ARFIP2: variants seen among roughly 807,000 people sequenced by gnomAD.
ARFIP2 encodes ARF interacting protein 2.
ARFIP2 carries 14 observed loss-of-function variants against 39.2 expected under a neutral mutation model. That is an observed-to-expected ratio of 0.36 (90% confidence interval 0.24 to 0.56). ARFIP2 has a LOEUF of 0.56. Ranked by LOEUF, ARFIP2 falls within the 20% of genes least tolerant of loss-of-function variation. The pLI is 0.85. For synonymous variants in ARFIP2, 167 were observed against 172.4 expected (o/e 0.97, Z 0.24); for missense variants, 305 against 422.5 (o/e 0.72, Z 2.44).
chr11:6,478,521 G>C lies in ARFIP2; in HGVS notation c.537+217C>G. 7.1e-7 allele frequency: 1 copy of C among 1,400,058 alleles called. No individual in the cohort carries two copies. Among genetic ancestry groups the C allele is most frequent in the Non-Finnish European group, 9.4e-7 (1 of 1,067,688 alleles). 86.7% of individuals were successfully genotyped at this position (1,400,058 alleles called of 1,614,324 possible). ...CCCAGTGCAGAGAGGGGTTATTTGT[G>C]AGGCACCTAGTGTGCCCCCTCCCCC... On this transcript the variant is annotated intron_variant, in intron 5 of 7. Coordinates refer to ENST00000396777, the MANE Select transcript of ARFIP2 (RefSeq NM_001376558.2). This position sits in a 1 kb window ranked among gnomAD's most constrained non-coding sequence, Gnocchi z 4.8.
At position 6,476,713 on chromosome 11, in the gene ARFIP2, T is replaced by A. The variant is rs1297266957; in HGVS notation, c.*400A>T. The A allele has an allele frequency of 2.0e-5, 4 of 199,784 alleles. No individual in the cohort carries two copies. Among genetic ancestry groups the A allele is most frequent in the African/African-American group, 6.9e-5 (3 of 43,206 alleles). 12.4% of individuals were successfully genotyped at this position (199,784 alleles called of 1,614,324 possible). A position where few individuals can be genotyped will look rare whatever the true frequency, so the allele number is the denominator to read the frequency against. On this transcript the variant is annotated 3_prime_UTR_variant, in exon 8 of 8. Coordinates refer to ENST00000396777, the MANE Select transcript of ARFIP2 (RefSeq NM_001376558.2). ...ACGCATAGAGGAGAGACAAAGGGTA[T>A]TAGACGCAACATCATTGGCCCAGGG...
At chr11:6,479,836 G>A (rs954604264) in intron 3 of ARFIP2, 136 bp downstream of exon 3, 3 of 858,002 alleles carry the variant, frequency 3.5e-6, no homozygotes, top group African/African-American at 3.4e-5. Context: ...GCTGAGGAGA[G>A]TCCATGAGGT....
rs751852952 is a variant in ARFIP2, at chr11:6,478,011, C to A, written c.695+30G>T. ...ATTTCCACCCATACCAGCCAACTCCCCAAACCCTAAGCCCTGCCAGTGCCC... is the reference window on the plus strand; with the variant it reads ...ATTTCCACCCATACCAGCCAACTCCACAAACCCTAAGCCCTGCCAGTGCCC... On this transcript the variant is annotated intron_variant, in intron 6 of 7. Transcript: ENST00000396777. The surrounding 1 kb of genome is among the most constrained non-coding windows in gnomAD (Gnocchi z 4.8). 6.2e-7 allele frequency: 1 copy of A among 1,610,428 alleles called. No individual in the cohort carries two copies. Among genetic ancestry groups the A allele is most frequent in the Admixed American group, 1.7e-5 (1 of 59,820 alleles).
rs1213144834 is a variant in ARFIP2 at position 6,476,586 on chromosome 11, T to C, written c.*527A>G. On this transcript the variant is annotated 3_prime_UTR_variant, in exon 8 of 8. Coordinates refer to ENST00000396777, the MANE Select transcript of ARFIP2 (RefSeq NM_001376558.2). The stretch of plus-strand genomic sequence containing the variant: ...TCTTGGGCTCTAAGCACAATTAAAC[T>C]GGGTGGGTGGGTGAGGGTAGGCCTA... The C allele has an allele frequency of 6.6e-6, 1 of 150,972 alleles. No homozygotes were observed. The highest frequency in any genetic ancestry group is 1.5e-5 in the Non-Finnish European group (1 of 68,316). 9.4% of individuals were successfully genotyped at this position (150,972 alleles called of 1,614,324 possible).
At chr11:6,481,034 G>C (rs1851703738) in intron 1 of ARFIP2, 197 bp downstream of exon 1, 1 of 216,534 alleles carries the variant, frequency 4.6e-6, no homozygotes, top group Non-Finnish European at 9.4e-6. Flanking sequence ...CCAGTCTCTG[G>C]TAAAAGCCTC....
rs765229951 is a variant in ARFIP2 at position 6,481,306 on chromosome 11, C to T, written c.-118G>A. The T allele has an allele frequency of 4.0e-6, 3 of 741,108 alleles. No individual in the cohort carries two copies. Among genetic ancestry groups the T allele is most frequent in the South Asian group, 3.6e-5 (2 of 55,504 alleles). 45.9% of individuals were successfully genotyped at this position (741,108 alleles called of 1,614,324 possible). A position where few individuals can be genotyped will look rare whatever the true frequency, so the allele number is the denominator to read the frequency against. On this transcript the variant is annotated 5_prime_UTR_variant, in exon 1 of 8. Transcript: ENST00000396777. The stretch of plus-strand genomic sequence containing the variant: ...GGACCTCGGGCTCCAGTTCCCGTCG[C>T]GATCCTAGCAGCAGGTCAGGGACTC...
rs1851626154 is a variant in ARFIP2 at position 6,480,531 on chromosome 11, A to G, written c.-42-68T>C. Reference sequence around the variant, plus strand: ...CTAGAAGAAGGAGGCCTCCTCTGTCATTTCTTTAAAGGCTGTCCCAGGGTT... The same window carrying G: ...CTAGAAGAAGGAGGCCTCCTCTGTCGTTTCTTTAAAGGCTGTCCCAGGGTT... On this transcript the variant is annotated intron_variant, in intron 1 of 7. Transcript: ENST00000396777. The G allele has an allele frequency of 2.5e-5, 20 of 787,834 alleles. No individual in the cohort carries two copies. In the South Asian group the frequency reaches 3.8e-4, roughly 15 times the overall value. The allele number at this position is 787,834 out of a possible 1,614,324, so 48.8% of individuals were successfully genotyped here.
At position 6,476,809 on chromosome 11, in the gene ARFIP2, C is replaced by CAGG. The variant is rs1851116833; in HGVS notation, c.*303_*304insCCT. 3.1e-6 allele frequency: 1 copy of CAGG among 325,092 alleles called. No homozygotes were observed. Among genetic ancestry groups the CAGG allele is most frequent in the African/African-American group, 2.1e-5 (1 of 47,592 alleles). 20.1% of individuals were successfully genotyped at this position (325,092 alleles called of 1,614,324 possible). A position where few individuals can be genotyped will look rare whatever the true frequency, so the allele number is the denominator to read the frequency against. ...CTGTCATTGGTCAGGGAGCACACCC[C>CAGG]AGCCTGAAGAGTGATGCCATTGGCC... On this transcript the variant is annotated 3_prime_UTR_variant, in exon 8 of 8. Coordinates refer to ENST00000396777, the MANE Select transcript of ARFIP2 (RefSeq NM_001376558.2).
Position 6,477,061 on chromosome 11 carries a change from G to C in ARFIP2, c.*52C>G. On this transcript the variant is annotated 3_prime_UTR_variant, in exon 8 of 8. Transcript: ENST00000396777. The surrounding 1 kb of genome is among the most constrained non-coding windows in gnomAD (Gnocchi z 4.8). ...ACCATGTCCAATCTCCCACACCCTGGGGCTGCCCTTCCCAATGTCTTTCTT... is the reference window on the plus strand; with the variant it reads ...ACCATGTCCAATCTCCCACACCCTGCGGCTGCCCTTCCCAATGTCTTTCTT... The C allele has an allele frequency of 6.4e-7, 1 of 1,559,108 alleles. No homozygotes were observed. Among genetic ancestry groups the C allele is most frequent in the Non-Finnish European group, 8.7e-7 (1 of 1,146,934 alleles).
chr11:6,478,023 C>A lies in ARFIP2; in HGVS notation c.695+18G>T. The A allele has an allele frequency of 6.2e-7, 1 of 1,612,728 alleles. No homozygotes were observed. Among genetic ancestry groups the A allele is most frequent in the Non-Finnish European group, 8.5e-7 (1 of 1,178,940 alleles). On this transcript the variant is annotated intron_variant, in intron 6 of 7. Transcript: ENST00000396777. The surrounding 1 kb of genome is among the most constrained non-coding windows in gnomAD (Gnocchi z 4.8). Reference sequence around the variant, plus strand: ...ACCAGCCAACTCCCCAAACCCTAAGCCCTGCCAGTGCCCACACCTGGCAGC... The same window carrying A: ...ACCAGCCAACTCCCCAAACCCTAAGACCTGCCAGTGCCCACACCTGGCAGC...
intron 2 of ARFIP2, 71 bp from the exon 3 acceptor site, chr11:6,480,139 G>T: frequency 7.0e-7 from 1 of 1,430,374 alleles, no homozygotes; most frequent in Non-Finnish European, 9.8e-7. Flanking sequence ...GTGGGAACAA[G>T]TTTGGATTCA....
rs770319270 is a variant in ARFIP2 at position 6,479,960 on chromosome 11, G to T, written c.196+12C>A. On this transcript the variant is annotated intron_variant, in intron 3 of 7. Coordinates refer to ENST00000396777, the MANE Select transcript of ARFIP2 (RefSeq NM_001376558.2). ...TCCTCCACCCAAGATTCCTGTTTCT[G>T]AACATTCATACCTGTGGGGATGAGT... The T allele has an allele frequency of 1.2e-6, 2 of 1,612,950 alleles. No homozygotes were observed. The highest frequency in any genetic ancestry group is 1.1e-5 in the South Asian group (1 of 91,042).
chr11:6,477,676 A>C lies in ARFIP2; in HGVS notation c.870+42T>G. 1 of 1,601,212 alleles carries C rather than the reference A, an allele frequency of 6.2e-7. No individual in the cohort carries two copies. The highest frequency in any genetic ancestry group is 8.5e-7 in the Non-Finnish European group (1 of 1,171,984). On this transcript the variant is annotated intron_variant, in intron 7 of 7. Transcript: ENST00000396777. This position sits in a 1 kb window ranked among gnomAD's most constrained non-coding sequence, Gnocchi z 4.8. The stretch of plus-strand genomic sequence containing the variant: ...GGTCTGAGGGGAAGGTTAGTGTTAC[A>C]GATGGAAAGGTGGGCTAGGGTCAAG...
chr11:6,478,776 C>T lies in ARFIP2; in HGVS notation c.499G>A (p.Ala167Thr), dbSNP rs1851387399. ...GACTTCTGGCTGAGGTCAGCAAAGG[C>T]ATCACCCAGTGCATGCTGGGTCTGC... Reference protein sequence around the residue: ...LLQTQHALGDAFADLSQKSPE... With the variant: ...LLQTQHALGDTFADLSQKSPE... Residue 167 changes from alanine (A) to threonine (T), a missense_variant, in exon 5 of 8, where the codon GCC becomes ACC. Physicochemically the swap from Ala to Thr is moderately conservative, Grantham distance 58. This residue lies in a region of ARFIP2 where 42 missense variants were observed against 101.2 expected (regional missense o/e 0.42). Coordinates refer to ENST00000396777, the MANE Select transcript of ARFIP2 (RefSeq NM_001376558.2). This position sits in a 1 kb window ranked among gnomAD's most constrained non-coding sequence, Gnocchi z 4.8. 6.2e-7 allele frequency: 1 copy of T among 1,613,782 alleles called. No homozygotes were observed. Among genetic ancestry groups the T allele is most frequent in the Non-Finnish European group, 8.5e-7 (1 of 1,179,806 alleles).
Position 6,480,376 on chromosome 11 carries a change from T to C in ARFIP2, c.46A>G (p.Ile16Val), listed in dbSNP as rs1192900646. Reference protein sequence around the residue: ...LGKAATMEIPIHGNGEARQLP... With the variant: ...LGKAATMEIPVHGNGEARQLP... ...TGCCTGGCTTCGCCGTTCCCGTGGATAGGGATCTCCATTGTGGCTGCCTTC... is the reference window on the plus strand; with the variant it reads ...TGCCTGGCTTCGCCGTTCCCGTGGACAGGGATCTCCATTGTGGCTGCCTTC... Residue 16 changes from isoleucine to valine, a missense_variant, in exon 2 of 8, where the codon ATC (isoleucine) becomes GTC (valine). Physicochemically the swap from Ile to Val is conservative, Grantham distance 29 (BLOSUM62 3). Coordinates refer to ENST00000396777, the MANE Select transcript of ARFIP2 (RefSeq NM_001376558.2). The C allele has an allele frequency of 6.2e-7, 1 of 1,613,804 alleles. No individual in the cohort carries two copies. The highest frequency in any genetic ancestry group is 1.7e-5 in the Admixed American group (1 of 59,986).
chr11:6,478,021 A>G lies in ARFIP2; in HGVS notation c.695+20T>C, dbSNP rs1438822720. The stretch of plus-strand genomic sequence containing the variant: ...ATACCAGCCAACTCCCCAAACCCTA[A>G]GCCCTGCCAGTGCCCACACCTGGCA... On this transcript the variant is annotated intron_variant, in intron 6 of 7. Transcript: ENST00000396777. This position sits in a 1 kb window ranked among gnomAD's most constrained non-coding sequence, Gnocchi z 4.8. The G allele has an allele frequency of 1.9e-6, 3 of 1,612,462 alleles. No homozygotes were observed. The South Asian group carries it at 3.3e-5, about 18-fold the overall frequency.
In ARFIP2 at chr11:6,477,623, CTGCATT is replaced by C. The variant is rs1355364507; in HGVS notation, c.870+89_870+94del. ...GTGAACACTCTACTCCCCAGCTAGGCTGCATTTCCTCATTCAATAATGGGGAGGGTC... is the reference window on the plus strand; with the variant it reads ...GTGAACACTCTACTCCCCAGCTAGGCTCCTCATTCAATAATGGGGAGGGTC... On this transcript the variant is annotated intron_variant, in intron 7 of 7. Transcript: ENST00000396777. This position sits in a 1 kb window ranked among gnomAD's most constrained non-coding sequence, Gnocchi z 4.8. The C allele has an allele frequency of 7.1e-7, 1 of 1,412,276 alleles. No homozygotes were observed. The highest frequency in any genetic ancestry group is 9.7e-7 in the Non-Finnish European group (1 of 1,034,138). 87.5% of individuals were successfully genotyped at this position (1,412,276 alleles called of 1,614,324 possible).
chr11:6,480,077 CAG>C lies in ARFIP2; in HGVS notation c.100-11_100-10del. 1 of 1,610,834 alleles carries C rather than the reference CAG, an allele frequency of 6.2e-7. No individual in the cohort carries two copies. The highest frequency in any genetic ancestry group is 1.3e-5 in the African/African-American group (1 of 74,788). On this transcript the variant is annotated splice_polypyrimidine_tract_variant and intron_variant, in intron 2 of 7. Coordinates refer to ENST00000396777, the MANE Select transcript of ARFIP2 (RefSeq NM_001376558.2). Reference sequence around the variant, plus strand: ...ATCACCTGCTGGAGGTCCTATAGGCCAGAGAAGAGGGGTTGCTTCAGGAACAT... The same window carrying C: ...ATCACCTGCTGGAGGTCCTATAGGCCAGAAGAGGGGTTGCTTCAGGAACAT...
chr11:6,479,726 T>C (rs571371676), intron 3 of ARFIP2: 2 of 565,652 alleles, frequency 3.5e-6, no homozygotes, highest in Admixed American at 3.4e-5. Flanking sequence ...AAGCAGGTCT[T>C]AACTTGACTC....
Sources: allele counts gnomAD v4.1 joint callset, GRCh38; gene constraint gnomAD v4.1.1; regional missense constraint gnomAD v4.1.1; non-coding constraint Gnocchi (gnomAD v3.1); transcripts MANE v1.5; gene names NCBI Gene and HGNC (gene_info 2026-07-23, HGNC 2026-07-21).